The following MAGI2 variants were observed in gnomAD, a reference collection of about 807,000 sequenced individuals.
MAGI2 encodes membrane-associated guanylate kinase, WW and PDZ domain-containing protein 2.
MAGI2 carries 35 observed loss-of-function variants against 133.3 expected under a neutral mutation model. That is an observed-to-expected ratio of 0.26 (90% CI 0.20 to 0.35). MAGI2 has a LOEUF of 0.35. Ranked by LOEUF, MAGI2 falls within the 10% of genes least tolerant of loss-of-function variation. MAGI2 has a pLI of 1.00. For synonymous variants in MAGI2, 729 were observed against 710.6 expected, an observed-to-expected ratio of 1.03 and a Z score of -0.41; for missense variants, 1,636 against 1,863.4, an observed-to-expected ratio of 0.88 and a Z score of 2.25.
chr7:79,022,325 CTAA>C (rs1443243240), intron 1 of MAGI2, among the ~76,000 whole-genome samples: 1 of 151,892 alleles, frequency 6.6e-6, no homozygotes, highest in Admixed American at 6.6e-5. Context: ...TTATTTGAAA[CTAA>C]TGAGAAAAAA....
At chr7:78,239,130 T>G (rs1790865646) in intron 10 of MAGI2, among the ~76,000 whole-genome samples, 1 of 152,166 alleles carries the variant, frequency 6.6e-6, no homozygotes, top group African/African-American at 2.4e-5. Context: ...AAAGGAGAAC[T>G]GTCTGACAAA....
At chr7:78,642,858 G>A (rs1416562347) in intron 2 of MAGI2, among the ~76,000 whole-genome samples, 1 of 152,126 alleles carries the variant, frequency 6.6e-6, no homozygotes, top group Non-Finnish European at 1.5e-5. Context: ...GGCAGTACAG[G>A]CCAGGCTTCT....
At position 78,135,002 on chromosome 7, in the gene MAGI2, G is replaced by A. The variant is rs746040750; in HGVS notation, c.3031+19C>T. 1 of 1,609,444 alleles carries A rather than the reference G, an allele frequency of 6.2e-7. No homozygotes were observed. Among genetic ancestry groups the A allele is most frequent in the Non-Finnish European group, 8.5e-7 (1 of 1,176,896 alleles). On this transcript the variant is annotated intron_variant, in intron 17 of 21. Coordinates refer to ENST00000354212, the MANE Select transcript of MAGI2 (RefSeq NM_012301.4). The stretch of plus-strand genomic sequence containing the variant: ...CCATGTGTTGGCCGCCTCTCTGCAA[G>A]GCTGCCTCAGGCACTCACCCTCCTG...
intron 3 of MAGI2, among the ~76,000 whole-genome samples, chr7:78,530,737 CT>C (rs5885073): frequency 0.074 from 11,063 of 149,180 alleles, 519 homozygotes; most frequent in Non-Finnish European, 0.11. Context: ...TTCCAATTTT[CT>C]TTTTTTTTTG....
chr7:78,720,862 A>G (rs1820201110), intron 2 of MAGI2, among the ~76,000 whole-genome samples: 1 of 152,116 alleles, frequency 6.6e-6, no homozygotes, highest in African/African-American at 2.4e-5. Context: ...TGGTTCCACA[A>G]AGGATATAAA....
chr7:78,971,489 G>T (rs1326841539), intron 2 of MAGI2, among the ~76,000 whole-genome samples: 1 of 151,900 alleles, frequency 6.6e-6, no homozygotes, highest in African/African-American at 2.4e-5. Flanking sequence ...TAGGGTAAAG[G>T]TGCTAAATGA....
At chr7:79,074,369 T>C (rs148175052) in intron 1 of MAGI2, among the ~76,000 whole-genome samples, 5 of 152,218 alleles carry the variant, frequency 3.3e-5, no homozygotes, top group East Asian at 1.9e-4. Flanking sequence ...TTTAGTCCAA[T>C]AGGCATCAGA....
rs182944457 is a variant in MAGI2 at position 78,375,757 on chromosome 7, T to C, written c.1046-6544A>G. ...CCTCTAATATTTTAGATTTTTGCTATATACTTGTATACAAACTGGGGAATA... is the reference window on the plus strand; with the variant it reads ...CCTCTAATATTTTAGATTTTTGCTACATACTTGTATACAAACTGGGGAATA... On this transcript the variant is annotated intron_variant, in intron 6 of 21. Transcript: ENST00000354212. Among the ~76,000 whole-genome samples the C allele has an allele frequency of 1.7e-3, 251 of 148,774 alleles. 1 individual carries two copies. The highest frequency in any genetic ancestry group is 5.7e-3 in the South Asian group (26 of 4,586).
At chr7:78,138,675 AC>A (rs1444523463) in intron 16 of MAGI2, among the ~76,000 whole-genome samples, 3 of 144,380 alleles carry the variant, frequency 2.1e-5, no homozygotes, top group Non-Finnish European at 4.6e-5. Flanking sequence ...ACACACACAC[AC>A]AATTTGTATG....
intron 2 of MAGI2, among the ~76,000 whole-genome samples, chr7:78,960,062 C>G (rs555264620): frequency 2.0e-5 from 3 of 152,002 alleles, no homozygotes; most frequent in Non-Finnish European, 4.4e-5. Flanking sequence ...AAGTAGATAC[C>G]AATACCACTT....
Position 78,527,006 on chromosome 7 carries a change from CAA to C in MAGI2, c.539-5363_539-5362del, listed in dbSNP as rs55707442. Among the ~76,000 whole-genome samples the C allele has an allele frequency of 3.1e-4, 14 of 45,430 alleles. No individual in the cohort carries two copies. In the East Asian group the frequency reaches 3.4e-3, roughly 11 times the overall value. 29.8% of individuals were successfully genotyped at this position (45,430 alleles called of 152,430 possible). On this transcript the variant is annotated intron_variant, in intron 3 of 21. Coordinates refer to ENST00000354212, the MANE Select transcript of MAGI2 (RefSeq NM_012301.4). ...ATGGTGACAGGGCAAGACTCCATCT[CAA>C]AAAAAAAAAAAAAAAAAAAAAAAAA...
intron 10 of MAGI2, among the ~76,000 whole-genome samples, chr7:78,201,676 C>T (rs1016415064): frequency 6.6e-6 from 1 of 152,132 alleles, no homozygotes; most frequent in African/African-American, 2.4e-5. Flanking sequence ...AACGTATATG[C>T]CTACATTATG....
chr7:78,963,801 G>A (rs750528736), intron 2 of MAGI2, among the ~76,000 whole-genome samples: 1 of 151,978 alleles, frequency 6.6e-6, no homozygotes, highest in Non-Finnish European at 1.5e-5. Context: ...AAAACTAGGA[G>A]ACCTAATTTC....
At chr7:78,575,434 A>G (rs910462577) in intron 3 of MAGI2, among the ~76,000 whole-genome samples, 12 of 152,168 alleles carry the variant, frequency 7.9e-5, no homozygotes, top group African/African-American at 2.4e-4. Context: ...ATGTATATAG[A>G]TATCAAGGAG....
intron 2 of MAGI2, among the ~76,000 whole-genome samples, chr7:78,981,224 C>T (rs1804756631): frequency 6.6e-6 from 1 of 151,334 alleles, no homozygotes; most frequent in South Asian, 2.1e-4. Flanking sequence ...GTCTGCCTGC[C>T]AGTTTTTACC....
At chr7:79,434,301 G>A (rs1847990365) in intron 1 of MAGI2, among the ~76,000 whole-genome samples, 1 of 152,040 alleles carries the variant, frequency 6.6e-6, no homozygotes, top group South Asian at 2.1e-4. Context: ...GCTTTCCACA[G>A]AGCTCATACT....
chr7:78,816,840 G>T (rs576083906), intron 2 of MAGI2, among the ~76,000 whole-genome samples: 12 of 152,170 alleles, frequency 7.9e-5, no homozygotes, highest in Non-Finnish European at 1.8e-4. Context: ...TTTCATGCCT[G>T]CCAAGACAAT....
At chr7:78,640,531 A>T (rs1810174974) in intron 2 of MAGI2, among the ~76,000 whole-genome samples, 1 of 152,246 alleles carries the variant, frequency 6.6e-6, no homozygotes, top group Non-Finnish European at 1.5e-5. Context: ...AAATGTTTAT[A>T]ATTTTAGATA....
intron 1 of MAGI2, among the ~76,000 whole-genome samples, chr7:79,141,750 T>G (rs1233360691): frequency 7.6e-6 from 1 of 132,110 alleles, no homozygotes; most frequent in African/African-American, 4.0e-5. Flanking sequence ...TTTGTTCGTG[T>G]TTTTTTTTTC....
Sources: gnomAD v4.1 joint callset for allele counts (sites outside exome capture counted in the v4.1 genomes callset) on GRCh38, gnomAD v4.1.1 for gene constraint, MANE v1.5 for transcripts, NCBI Gene and HGNC (gene_info 2026-07-23, HGNC 2026-07-21) for gene names.